The following TAS1R2 variants were observed in gnomAD, a reference collection of about 807,000 sequenced individuals.
TAS1R2 encodes the protein taste receptor type 1 member 2.
Under a neutral mutation model 49.3 loss-of-function variants are expected in TAS1R2, and 47 were observed. That is an observed-to-expected ratio of 0.95 (90% CI 0.75 to 1.22). The LOEUF is 1.22. TAS1R2 is among the 50% of genes most tolerant of loss of function. The pLI, the probability that TAS1R2 is intolerant of heterozygous loss-of-function variation, is 0.00. For synonymous variants in TAS1R2, 479 were observed against 467.9 expected (o/e 1.02, Z -0.31); for missense variants, 1,155 against 1,122.1 (o/e 1.03, Z -0.42).
At chr1:18,855,391 A>G (rs1406495514) in intron 2 of TAS1R2, among the ~76,000 whole-genome samples, 3 of 151,906 alleles carry the variant, frequency 2.0e-5, no homozygotes, top group African/African-American at 4.8e-5. Context: ...CCTCCCCCTC[A>G]TCACCGTCAG....
At chr1:18,853,915 A>G (rs1003504232) in intron 3 of TAS1R2, among the ~76,000 whole-genome samples, 1 of 152,192 alleles carries the variant, frequency 6.6e-6, no homozygotes, top group African/African-American at 2.4e-5. Context: ...ACGCGAAAAC[A>G]CAAGCCCGTC....
In TAS1R2 at chr1:18,854,400, T is replaced by G. The variant is rs144118547; in HGVS notation, c.1070A>C (p.Tyr357Ser). 6.2e-7 allele frequency: 1 copy of G among 1,613,864 alleles called. No homozygotes were observed. Among genetic ancestry groups the G allele is most frequent in the African/African-American group, 1.3e-5 (1 of 74,940 alleles). ...GTTGTCGCACTCCTGGTTGCAGGTA[T>G]AGCTCTGGCTGGTCCTGCTGAGGGG... Residue 357 changes from tyrosine (Y) to serine (S), a missense_variant, in exon 3 of 6, where the codon TAT becomes TCT. Transcript: ENST00000375371. The surrounding 1 kb of genome is among the most constrained non-coding windows in gnomAD (Gnocchi z 4.9).
chr1:18,851,865 C>T (rs2100517909), intron 3 of TAS1R2, among the ~76,000 whole-genome samples: 1 of 152,332 alleles, frequency 6.6e-6, no homozygotes, highest in South Asian at 2.1e-4. Flanking sequence ...CCCCTGGCCA[C>T]TCCCTAGCTG....
chr1:18,840,382 G>A (rs1202561572), exon 6 of TAS1R2: 2 of 1,614,150 alleles, frequency 1.2e-6, no homozygotes, highest in Non-Finnish European at 1.7e-6. Flanking sequence ...TGGCCAGGGT[G>A]CTGAGGAAGC....
At chr1:18,857,493 A>G in exon 2 of TAS1R2, 1 of 1,614,210 alleles carries the variant, frequency 6.2e-7, no homozygotes, top group Non-Finnish European at 8.5e-7. Flanking sequence ...CCGGCTGGAC[A>G]TTGTTGGAGA....
intron 5 of TAS1R2, 30 bp from the exon 6 acceptor site, chr1:18,840,557 C>T: frequency 6.2e-7 from 1 of 1,612,742 alleles, no homozygotes; most frequent in Non-Finnish European, 8.5e-7. Context: ...TCCCATTAGC[C>T]AAGCCCATCT....
chr1:18,854,503 G>A lies in TAS1R2; in HGVS notation c.967C>T (p.Leu323=), dbSNP rs1934091406. The A allele has an allele frequency of 1.2e-6, 2 of 1,614,066 alleles. No homozygotes were observed. Among genetic ancestry groups the A allele is most frequent in the African/African-American group, 2.7e-5 (2 of 75,066 alleles). Reference sequence around the variant, plus strand: ...GGCACGCTCTGGATGGTGATGCCCAGGAAGGTGCCCAAGTGGCGCAGCTCC... The same window carrying A: ...GGCACGCTCTGGATGGTGATGCCCAAGAAGGTGCCCAAGTGGCGCAGCTCC... Residue 323 remains leucine (L), a synonymous_variant, in exon 3 of 6, where the codon CTG becomes TTG. Coordinates refer to ENST00000375371, the Ensembl canonical transcript of TAS1R2. The surrounding 1 kb of genome is among the most constrained non-coding windows in gnomAD (Gnocchi z 4.9).
At position 18,843,339 on chromosome 1, in the gene TAS1R2, G is replaced by T. The variant is rs533469112; in HGVS notation, c.1468-1487C>A. Among the ~76,000 whole-genome samples, 7 of 152,316 alleles carry T rather than the reference G, an allele frequency of 4.6e-5. No homozygotes were observed. In the South Asian group the frequency reaches 1.0e-3, roughly 23 times the overall value. ...AAAGATTCAAAACTTGGGGTTGGGGGTGCTGTTACATTGGTGATGTTTTTA... is the reference window on the plus strand; with the variant it reads ...AAAGATTCAAAACTTGGGGTTGGGGTTGCTGTTACATTGGTGATGTTTTTA... On this transcript the variant is annotated intron_variant, in intron 4 of 5. Transcript: ENST00000375371.
intron 4 of TAS1R2, among the ~76,000 whole-genome samples, chr1:18,848,201 C>A (rs535360058): frequency 6.6e-6 from 1 of 152,196 alleles, no homozygotes; most frequent in East Asian, 1.9e-4. Context: ...TAGAGAACCT[C>A]CACCACAGAC....
At chr1:18,840,024 C>T (rs1933788066) in exon 6 of TAS1R2, 1 of 1,613,236 alleles carries the variant, frequency 6.2e-7, no homozygotes. Flanking sequence ...AGGCCCGTGG[C>T]CAGCATGCCA....
intron 4 of TAS1R2, 63 bp from the exon 5 acceptor site, chr1:18,841,915 C>G: frequency 6.7e-7 from 1 of 1,497,994 alleles, no homozygotes; most frequent in Non-Finnish European, 9.0e-7. Context: ...GCCCCCTCCC[C>G]TCTCCAACCA....
rs552797212 is a variant in TAS1R2 at position 18,851,791 on chromosome 1, C to T, written c.1258-2241G>A. Among the ~76,000 whole-genome samples the T allele has an allele frequency of 4.6e-5, 7 of 152,268 alleles. No individual in the cohort carries two copies. The East Asian group carries it at 7.7e-4, about 17-fold the overall frequency. ...GCCCCTGAGTCCTGTCTCTCTACCT[C>T]GCCTCTCATGGGGTGCCCATCCCCA... On this transcript the variant is annotated intron_variant, in intron 3 of 5. Transcript: ENST00000375371.
intron 1 of TAS1R2, among the ~76,000 whole-genome samples, chr1:18,859,003 G>A (rs72651849): frequency 1.3e-5 from 2 of 152,086 alleles, no homozygotes; most frequent in African/African-American, 4.8e-5. Flanking sequence ...GCCACCCCAA[G>A]GGGCTCAGGG....
chr1:18,854,782 G>T lies in TAS1R2; in HGVS notation c.688C>A (p.Arg230Ser), dbSNP rs757465637. 6.2e-7 allele frequency: 1 copy of T among 1,605,506 alleles called. No homozygotes were observed. The highest frequency in any genetic ancestry group is 1.1e-5 in the South Asian group (1 of 90,568). Residue 230 changes from arginine to serine, a missense_variant, in exon 3 of 6, where the codon CGC (arginine) becomes AGC (serine). Arg to Ser is a moderately radical substitution (Grantham distance 110, BLOSUM62 -1). Transcript: ENST00000375371. This position sits in a 1 kb window ranked among gnomAD's most constrained non-coding sequence, Gnocchi z 4.9. Reference sequence around the variant, plus strand: ...TCCTGGAAGGCGATGCAGATGTCGCGCCGGGCCACGCGCTCGCCAAGCAGC... The same window carrying T: ...TCCTGGAAGGCGATGCAGATGTCGCTCCGGGCCACGCGCTCGCCAAGCAGC...
chr1:18,844,076 T>C (rs1189071323), intron 4 of TAS1R2, among the ~76,000 whole-genome samples: 1 of 152,218 alleles, frequency 6.6e-6, no homozygotes, highest in Non-Finnish European at 1.5e-5. Context: ...GATATATTAA[T>C]GTGAGCTGAC....
chr1:18,843,223 G>A (rs746935969), intron 4 of TAS1R2, among the ~76,000 whole-genome samples: 3 of 152,182 alleles, frequency 2.0e-5, no homozygotes, highest in Admixed American at 6.5e-5. Flanking sequence ...TCATGACACC[G>A]TGGTAATTGG....
chr1:18,858,886 C>T (rs1340960427), intron 1 of TAS1R2, among the ~76,000 whole-genome samples: 2 of 152,162 alleles, frequency 1.3e-5, no homozygotes, highest in Non-Finnish European at 2.9e-5. Context: ...CCCGCAATAC[C>T]TTCACCCTCT....
At chr1:18,847,734 A>T (rs950799491) in intron 4 of TAS1R2, among the ~76,000 whole-genome samples, 31 of 152,332 alleles carry the variant, frequency 2.0e-4, no homozygotes, top group African/African-American at 6.7e-4. Flanking sequence ...CATAGCTACC[A>T]AACTAAAACA....
At chr1:18,840,272 A>G (rs1296229149) in exon 6 of TAS1R2, 2 of 1,614,050 alleles carry the variant, frequency 1.2e-6, no homozygotes, top group Non-Finnish European at 8.5e-7. Context: ...CGGGACCACC[A>G]TGTATGCCAC....
Sources: gnomAD v4.1 joint callset for allele counts (sites outside exome capture counted in the v4.1 genomes callset) on GRCh38, gnomAD v4.1.1 for gene constraint, Gnocchi (gnomAD v3.1) non-coding constraint, MANE v1.5 for transcripts, NCBI Gene and HGNC (gene_info 2026-07-23, HGNC 2026-07-21) for gene names.